Variants in TBL1XR1 observed in about 807,000 individuals in gnomAD.
The protein encoded by TBL1XR1 is F-box-like/WD repeat-containing protein TBL1XR1.
TBL1XR1 carries 5 observed loss-of-function variants against 66.9 expected under a neutral mutation model. The observed-to-expected ratio is 0.07, with a 90% CI of 0.04 to 0.16. TBL1XR1 has a LOEUF of 0.16. Among genes scored for constraint, TBL1XR1 ranks in the 10% least tolerant of loss-of-function variants. TBL1XR1 has a pLI of 1.00. For missense variants in TBL1XR1, 238 were observed against 623.2 expected (o/e 0.38, Z 6.58); for synonymous variants, 210 against 206.0 (o/e 1.02, Z -0.17).
At chr3:177,143,502 CA>C (rs1299148906) in intron 1 of TBL1XR1, among the ~76,000 whole-genome samples, 1 of 151,980 alleles carries the variant, frequency 6.6e-6, no homozygotes, top group African/African-American at 2.4e-5. Flanking sequence ...GATGATGGGG[CA>C]GGGGGATATT....
At chr3:177,172,649 AAG>A (rs1202909497) in intron 1 of TBL1XR1, among the ~76,000 whole-genome samples, 4 of 48,644 alleles carry the variant, frequency 8.2e-5, no homozygotes, top group Admixed American at 4.2e-4. Flanking sequence ...GAGAGAGAGA[AAG>A]AGAGAGAGAG....
intron 1 of TBL1XR1, among the ~76,000 whole-genome samples, chr3:177,128,421 T>G (rs968957982): frequency 2.6e-5 from 4 of 152,184 alleles, no homozygotes; most frequent in Non-Finnish European, 4.4e-5. Flanking sequence ...TCATCCAGGC[T>G]GGAGTGCAGT....
At chr3:177,033,348 T>G (rs543260264) in intron 13 of TBL1XR1, among the ~76,000 whole-genome samples, 1 of 152,232 alleles carries the variant, frequency 6.6e-6, no homozygotes, top group African/African-American at 2.4e-5. Flanking sequence ...AGAGCAAGTG[T>G]TCTAGAAATT....
At chr3:177,076,706 A>T (rs1720747957) in intron 2 of TBL1XR1, among the ~76,000 whole-genome samples, 1 of 152,202 alleles carries the variant, frequency 6.6e-6, no homozygotes, top group South Asian at 2.1e-4. Flanking sequence ...GTTATCAGAG[A>T]ATCCCCTTAA....
chr3:177,164,090 C>T (rs1732536695), intron 1 of TBL1XR1: 1 of 152,208 alleles, frequency 6.6e-6, no homozygotes, highest in Non-Finnish European at 1.5e-5. Context: ...CCCTTCTTAA[C>T]ACCAACCGTG....
chr3:177,131,435 T>TA (rs2108786963), intron 1 of TBL1XR1: 1 of 973,382 alleles, frequency 1.0e-6, no homozygotes, highest in East Asian at 1.1e-4. Flanking sequence ...CTTCCAAAGA[T>TA]ACTTATTCCC....
chr3:177,156,871 A>G (rs1331032485), intron 1 of TBL1XR1, among the ~76,000 whole-genome samples: 1 of 152,210 alleles, frequency 6.6e-6, no homozygotes. Flanking sequence ...ATGACAATTC[A>G]AGGAGGGACA....
At chr3:177,076,206 T>G (rs1365543142) in intron 2 of TBL1XR1, among the ~76,000 whole-genome samples, 1 of 152,204 alleles carries the variant, frequency 6.6e-6, no homozygotes, top group Non-Finnish European at 1.5e-5. Flanking sequence ...AAAGCCCTTA[T>G]GTCTTAAGCA....
intron 10 of TBL1XR1, among the ~76,000 whole-genome samples, chr3:177,043,334 G>C (rs1320812285): frequency 6.6e-6 from 1 of 152,084 alleles, no homozygotes; most frequent in African/African-American, 2.4e-5. Flanking sequence ...CATATGTTTT[G>C]AAACAGTGTT....
At chr3:177,087,070 G>C (rs1722222328) in intron 2 of TBL1XR1, 1 of 144,150 alleles carries the variant, frequency 6.9e-6, no homozygotes, top group Admixed American at 7.1e-5. Flanking sequence ...AGAAGAGGTG[G>C]AAGGACAGAC....
chr3:177,127,591 G>A (rs1727797470), intron 1 of TBL1XR1, among the ~76,000 whole-genome samples: 1 of 152,172 alleles, frequency 6.6e-6, no homozygotes, highest in Non-Finnish European at 1.5e-5. Context: ...GGGAAGACCT[G>A]AGATCTATAA....
intron 2 of TBL1XR1, among the ~76,000 whole-genome samples, chr3:177,083,694 T>TACAG (rs1721735478): frequency 2.0e-5 from 3 of 152,210 alleles, no homozygotes; most frequent in Admixed American, 2.0e-4. Flanking sequence ...TTGTTGTTAA[T>TACAG]ACATCTATTC....
intron 1 of TBL1XR1, among the ~76,000 whole-genome samples, chr3:177,174,210 C>G (rs1361027606): frequency 6.6e-6 from 1 of 151,922 alleles, no homozygotes; most frequent in African/African-American, 2.4e-5. Flanking sequence ...GAAATGGAGA[C>G]CATCCTGGCT....
intron 1 of TBL1XR1, among the ~76,000 whole-genome samples, chr3:177,146,845 C>T (rs1422181241): frequency 6.6e-6 from 1 of 151,966 alleles, no homozygotes; most frequent in Non-Finnish European, 1.5e-5. Flanking sequence ...CTGTTTCAAG[C>T]GAAAATTAAA....
At chr3:177,131,941 CTGAT>C (rs1728349865) in intron 1 of TBL1XR1, among the ~76,000 whole-genome samples, 1 of 149,942 alleles carries the variant, frequency 6.7e-6, no homozygotes, top group South Asian at 2.1e-4. Flanking sequence ...ACAAAGCACT[CTGAT>C]TGTTAACCCC....
intron 1 of TBL1XR1, among the ~76,000 whole-genome samples, chr3:177,183,584 C>G (rs1220366843): frequency 6.6e-6 from 1 of 151,776 alleles, no homozygotes; most frequent in Non-Finnish European, 1.5e-5. Flanking sequence ...GATTTTGGCT[C>G]ACTGCAACCT....
At chr3:177,048,028 ATT>A in intron 7 of TBL1XR1, 1 of 153,188 alleles carries the variant, frequency 6.5e-6, no homozygotes, top group South Asian at 2.1e-4. Context: ...AAACAATATC[ATT>A]GTTTCGAATG....
Position 177,191,098 on chromosome 3 carries a change from T to A in TBL1XR1, c.-122+6023A>T, listed in dbSNP as rs147009427. Among the ~76,000 whole-genome samples the A allele has an allele frequency of 3.0e-4, 46 of 152,222 alleles. No individual in the cohort carries two copies. In the East Asian group the frequency reaches 8.7e-3, roughly 29 times the overall value. On this transcript the variant is annotated intron_variant, in intron 1 of 15. Coordinates refer to ENST00000457928, the MANE Select transcript of TBL1XR1 (RefSeq NM_024665.7). ...AGTGAGTATGGCAAAAACTACCGTA[T>A]TTGAGAGGCCGGCAAGAATCCCAAC...
chr3:177,123,592 T>TTGAC (rs68016865), intron 1 of TBL1XR1, among the ~76,000 whole-genome samples: 31 of 22,080 alleles, frequency 1.4e-3, no homozygotes, highest in East Asian at 0.011. Flanking sequence ...CAATTCTGCT[T>TTGAC]TAATATTTTA....
Sources: gnomAD v4.1 joint callset for allele counts (sites outside exome capture counted in the v4.1 genomes callset) on GRCh38, gnomAD v4.1.1 for gene constraint, MANE v1.5 for transcripts, NCBI Gene and HGNC (gene_info 2026-07-23, HGNC 2026-07-21) for gene names.